Variants in ARHGAP22 observed in about 807,000 individuals in gnomAD.
The protein encoded by ARHGAP22 is rho GTPase-activating protein 22.
A neutral mutation model predicts 59.1 loss-of-function variants in ARHGAP22; 48 were observed. The ratio of observed to expected loss-of-function variants is 0.81; its 90% CI spans 0.64 to 1.03. ARHGAP22 has a LOEUF of 1.03. Among genes scored for constraint, ARHGAP22 ranks in the 50% least tolerant of loss-of-function variants. ARHGAP22 has a pLI of 0.00. For missense variants in ARHGAP22, 1,015 were observed against 958.7 expected, an observed-to-expected ratio of 1.06 and a Z score of -0.78; for synonymous variants, 445 against 416.4, an observed-to-expected ratio of 1.07 and a Z score of -0.84.
At chr10:48,508,505 G>A (rs940317330) in intron 3 of ARHGAP22, among the ~76,000 whole-genome samples, 2 of 152,248 alleles carry the variant, frequency 1.3e-5, no homozygotes, top group South Asian at 2.1e-4. Flanking sequence ...GCAGGCCCTT[G>A]TCTTCAGGCA....
intron 2 of ARHGAP22, among the ~76,000 whole-genome samples, chr10:48,567,924 G>C (rs1417854191): frequency 1.3e-5 from 2 of 152,230 alleles, no homozygotes; most frequent in Non-Finnish European, 2.9e-5. Flanking sequence ...ATAAGTGTTA[G>C]AGAATTTTGT....
At chr10:48,586,217 G>A (rs373419193) in intron 1 of ARHGAP22, among the ~76,000 whole-genome samples, 5 of 152,266 alleles carry the variant, frequency 3.3e-5, no homozygotes, top group East Asian at 1.9e-4. Context: ...TTAAAAAGAC[G>A]TTGGGACCCA....
intron 2 of ARHGAP22, among the ~76,000 whole-genome samples, chr10:48,567,606 G>A (rs2058128109): frequency 2.0e-5 from 3 of 152,116 alleles, no homozygotes; most frequent in African/African-American, 7.2e-5. Context: ...ATCTCCATGG[G>A]CTGCTCTCTG....
At chr10:48,630,496 T>A (rs2061594534) in intron 1 of ARHGAP22, among the ~76,000 whole-genome samples, 1 of 152,242 alleles carries the variant, frequency 6.6e-6, no homozygotes, top group South Asian at 2.1e-4. Flanking sequence ...TTTTATACTT[T>A]TCTGCATAAA....
intron 1 of ARHGAP22, among the ~76,000 whole-genome samples, chr10:48,592,869 G>A (rs1370841618): frequency 1.3e-5 from 2 of 152,222 alleles, no homozygotes; most frequent in Non-Finnish European, 2.9e-5. Context: ...TCAAAAGAGG[G>A]CAGCCAGCAA....
intron 3 of ARHGAP22, among the ~76,000 whole-genome samples, chr10:48,525,309 G>A (rs1307339083): frequency 1.3e-5 from 2 of 152,194 alleles, no homozygotes; most frequent in African/African-American, 4.8e-5. Flanking sequence ...ATGGTGGCTC[G>A]TGCTTGCAAT....
At chr10:48,629,644 T>C (rs2061564005) in intron 1 of ARHGAP22, among the ~76,000 whole-genome samples, 1 of 152,236 alleles carries the variant, frequency 6.6e-6, no homozygotes. Flanking sequence ...TGAATTTAGG[T>C]TGCATGCTTC....
chr10:48,434,939 T>C, the ARHGAP22 span: 4 of 1,613,474 alleles, frequency 2.5e-6, no homozygotes, highest in African/African-American at 1.3e-5. Context: ...CTGTCAATGA[T>C]GTGTCTTCAA....
upstream of ARHGAP22, among the ~76,000 whole-genome samples, chr10:48,607,655 A>T (rs917377486): frequency 3.3e-5 from 5 of 152,104 alleles, no homozygotes; most frequent in Non-Finnish European, 7.4e-5. Flanking sequence ...TACTCTTCTC[A>T]CTTATAAGTG....
chr10:48,596,674 A>AAC (rs2060085767), intron 1 of ARHGAP22, among the ~76,000 whole-genome samples: 1 of 152,182 alleles, frequency 6.6e-6, no homozygotes, highest in African/African-American at 2.4e-5. Context: ...GACTAATGAA[A>AAC]ACCCACCCTC....
chr10:48,605,171 G>A, upstream of ARHGAP22: 1 of 1,131,390 alleles, frequency 8.8e-7, no homozygotes, highest in Non-Finnish European at 1.1e-6. Context: ...GGCGGGGCCA[G>A]CCAGAGACGC....
intron 4 of ARHGAP22, among the ~76,000 whole-genome samples, chr10:48,464,485 G>T (rs531171581): frequency 6.6e-6 from 1 of 152,246 alleles, no homozygotes; most frequent in African/African-American, 2.4e-5. Flanking sequence ...TGAAGCCAAC[G>T]TCTAAAGATG....
upstream of ARHGAP22, among the ~76,000 whole-genome samples, chr10:48,654,843 TCTC>T (rs2062710805): frequency 4.8e-5 from 7 of 145,744 alleles, no homozygotes; most frequent in African/African-American, 1.5e-4. Context: ...CCTTCCTTCC[TCTC>T]TCTTTTCTTT....
At chr10:48,564,324 A>G (rs1328792464) in intron 2 of ARHGAP22, among the ~76,000 whole-genome samples, 1 of 152,218 alleles carries the variant, frequency 6.6e-6, no homozygotes, top group Non-Finnish European at 1.5e-5. Flanking sequence ...AGAATGAGGT[A>G]CATACAAAAG....
intron 3 of ARHGAP22, among the ~76,000 whole-genome samples, chr10:48,549,073 C>A (rs2056694611): frequency 6.6e-6 from 1 of 152,218 alleles, no homozygotes; most frequent in Non-Finnish European, 1.5e-5. Flanking sequence ...GTGTGCTCAG[C>A]TTCATTCCTT....
intron 1 of ARHGAP22, among the ~76,000 whole-genome samples, chr10:48,645,930 T>C (rs2062275767): frequency 6.6e-6 from 1 of 152,172 alleles, no homozygotes; most frequent in Non-Finnish European, 1.5e-5. Flanking sequence ...GCAGATGATA[T>C]GATACTGTGT....
intron 1 of ARHGAP22, among the ~76,000 whole-genome samples, chr10:48,648,168 T>A (rs1589319428): frequency 6.6e-6 from 1 of 152,166 alleles, no homozygotes; most frequent in African/African-American, 2.4e-5. Flanking sequence ...GAACCTCGAA[T>A]GGGTGAATTT....
chr10:48,604,709 G>A (rs747626806), intron 1 of ARHGAP22, 54 bp downstream of exon 1: 10 of 1,614,038 alleles, frequency 6.2e-6, no homozygotes, highest in Non-Finnish European at 8.5e-6. Context: ...GTCCGCGCAC[G>A]TTTGCCAAGA....
rs796158764 is a variant in ARHGAP22, at chr10:48,544,120, C to CA, written c.322+11342dup. Among the ~76,000 whole-genome samples the CA allele has an allele frequency of 4.5e-3, 629 of 139,766 alleles. 4 individuals are homozygous for CA. The highest frequency in any genetic ancestry group is 0.01 in the African/African-American group (391 of 38,084). 91.7% of individuals were successfully genotyped at this position (139,766 alleles called of 152,430 possible). On this transcript the variant is annotated intron_variant, in intron 3 of 9. Coordinates refer to ENST00000249601, the MANE Select transcript of ARHGAP22 (RefSeq NM_021226.4). ...CCTGGGTGACAGAACAAGACTCCGT[C>CA]AAAAAAAAAAAAGAGAAAGGACTGG...
Sources: gnomAD v4.1 joint callset for allele counts (sites outside exome capture counted in the v4.1 genomes callset) on GRCh38, gnomAD v4.1.1 for gene constraint, MANE v1.5 for transcripts, NCBI Gene and HGNC (gene_info 2026-07-23, HGNC 2026-07-21) for gene names.